The following GLYR1 variants were observed in gnomAD, a reference collection of about 807,000 sequenced individuals.
GLYR1 encodes cytokine-like nuclear factor N-PAC.
GLYR1 carries 21 observed loss-of-function variants against 72.7 expected under a neutral mutation model. The ratio of observed to expected loss-of-function variants is 0.29; its 90% CI spans 0.20 to 0.42. The LOEUF is 0.42. Ranked by LOEUF, GLYR1 falls within the 10% of genes least tolerant of loss-of-function variation. GLYR1 has a pLI of 1.00. For synonymous variants in GLYR1, 392 were observed against 270.2 expected (o/e 1.45, Z -4.42); for missense variants, 594 against 712.1 (o/e 0.83, Z 1.89).
intron 5 of GLYR1, 143 bp downstream of exon 5, chr16:4,831,836 C>G: frequency 8.1e-7 from 1 of 1,238,014 alleles, no homozygotes; most frequent in Non-Finnish European, 1.1e-6. Flanking sequence ...ACCTGCCCTG[C>G]AGGATTCTTG....
intron 10 of GLYR1, among the ~76,000 whole-genome samples, chr16:4,816,546 C>G (rs78417771): frequency 0.016 from 2,417 of 152,182 alleles, 45 homozygotes; most frequent in Middle Eastern, 0.045. Context: ...ACAAGTACTT[C>G]TAGTTGGTAT....
At chr16:4,813,590 G>A (rs116073854) in intron 12 of GLYR1, 147 bp downstream of exon 12, 11 of 680,788 alleles carry the variant, frequency 1.6e-5, no homozygotes, top group South Asian at 3.3e-5. Context: ...GGTGGAGCAC[G>A]GGATAGGCTA....
chr16:4,846,117 T>C (rs1199882562), intron 2 of GLYR1, 57 bp downstream of exon 2: 2 of 1,572,166 alleles, frequency 1.3e-6, no homozygotes, highest in African/African-American at 2.7e-5. Flanking sequence ...GCATCTTACA[T>C]TCTCCACCTC....
chr16:4,844,068 C>T (rs1459272995), intron 3 of GLYR1, among the ~76,000 whole-genome samples: 1 of 142,016 alleles, frequency 7.0e-6, no homozygotes. Context: ...GAGCTGAGAT[C>T]ATGCCACTGC....
intron 15 of GLYR1, 51 bp downstream of exon 15, chr16:4,811,115 AAAAG>A (rs1194353737): frequency 7.0e-6 from 11 of 1,569,222 alleles, no homozygotes; most frequent in South Asian, 3.6e-5. Flanking sequence ...AAAAAAAAAA[AAAAG>A]AAAGAAAAAG....
At chr16:4,820,201 C>T (rs909171528) in intron 9 of GLYR1, among the ~76,000 whole-genome samples, 1 of 152,206 alleles carries the variant, frequency 6.6e-6, no homozygotes, top group African/African-American at 2.4e-5. Flanking sequence ...GTTGGCCAGG[C>T]TGGTCTTGAA....
intron 3 of GLYR1, among the ~76,000 whole-genome samples, chr16:4,834,892 C>A (rs1319231983): frequency 6.6e-6 from 1 of 152,196 alleles, no homozygotes; most frequent in East Asian, 1.9e-4. Context: ...CCTGAACTGA[C>A]TCCGTTCCCT....
At chr16:4,847,029 G>T in intron 1 of GLYR1, 199 bp downstream of exon 1, 1 of 566,758 alleles carries the variant, frequency 1.8e-6, no homozygotes, top group Non-Finnish European at 3.1e-6. Context: ...GGTGCCCGAC[G>T]TGGCCACCCT....
chr16:4,813,876 C>T, intron 11 of GLYR1, 38 bp from the exon 12 acceptor site: 2 of 1,532,264 alleles, frequency 1.3e-6, no homozygotes, highest in Admixed American at 1.9e-5. Flanking sequence ...GCCCAGGCTC[C>T]CGGGCAGATG....
intron 15 of GLYR1, among the ~76,000 whole-genome samples, chr16:4,810,215 G>A (rs1321640827): frequency 2.0e-5 from 3 of 151,990 alleles, no homozygotes; most frequent in East Asian, 3.9e-4. Flanking sequence ...AGAACAAAGA[G>A]GCCAGACACA....
chr16:4,841,880 C>A (rs1338739545), intron 3 of GLYR1, among the ~76,000 whole-genome samples: 1 of 152,180 alleles, frequency 6.6e-6, no homozygotes, highest in Admixed American at 6.5e-5. Context: ...CATGGTATCC[C>A]CACTGTCTGA....
intron 3 of GLYR1, among the ~76,000 whole-genome samples, chr16:4,835,517 T>C (rs926884399): frequency 6.6e-6 from 1 of 152,156 alleles, no homozygotes; most frequent in African/African-American, 2.4e-5. Flanking sequence ...AGCATCCTGT[T>C]ACATCAAAAA....
chr16:4,810,771 G>GC (rs1468512161), intron 15 of GLYR1, among the ~76,000 whole-genome samples: 1 of 138,408 alleles, frequency 7.2e-6, no homozygotes, highest in Admixed American at 7.5e-5. Flanking sequence ...AGGCGACAGA[G>GC]CAAGACTCTG....
chr16:4,820,265 A>T (rs577700258), intron 9 of GLYR1, among the ~76,000 whole-genome samples: 3 of 152,352 alleles, frequency 2.0e-5, no homozygotes, highest in South Asian at 4.1e-4. Flanking sequence ...CTGGGATAAC[A>T]GCCATGAGCC....
chr16:4,847,174 C>A, intron 1 of GLYR1, 54 bp downstream of exon 1: 1 of 1,537,704 alleles, frequency 6.5e-7, no homozygotes, highest in Non-Finnish European at 8.9e-7. Context: ...GAACCCCGCG[C>A]CCAGGCGGGT....
chr16:4,845,278 A>G (rs1011068294), intron 2 of GLYR1, 125 bp from the exon 3 acceptor site: 6 of 653,938 alleles, frequency 9.2e-6, no homozygotes, highest in Non-Finnish European at 1.6e-5. Context: ...TTACTTACAA[A>G]TAAATTTATT....
At chr16:4,831,621 T>C (rs888765471) in intron 5 of GLYR1, among the ~76,000 whole-genome samples, 1 of 152,206 alleles carries the variant, frequency 6.6e-6, no homozygotes, top group African/African-American at 2.4e-5. Context: ...CGCTCCTACT[T>C]TACACCTGCA....
chr16:4,839,654 C>T (rs2085402124), intron 3 of GLYR1: 1 of 152,108 alleles, frequency 6.6e-6, no homozygotes, highest in Admixed American at 6.5e-5. Flanking sequence ...CACCAGGACA[C>T]CTGATTAGGA....
chr16:4,807,041 C>G (rs1379387017), intron 15 of GLYR1, among the ~76,000 whole-genome samples: 1 of 150,378 alleles, frequency 6.6e-6, no homozygotes, highest in Admixed American at 6.6e-5. Context: ...CTCCTGACCT[C>G]GTGATCCACC....
Sources: allele counts gnomAD v4.1 joint callset (sites outside exome capture counted in the v4.1 genomes callset), GRCh38; gene constraint gnomAD v4.1.1; transcripts MANE v1.5; gene names NCBI Gene and HGNC (gene_info 2026-07-23, HGNC 2026-07-21).